MGRN1: variants seen among roughly 807,000 people sequenced by gnomAD.
The protein encoded by MGRN1 is E3 ubiquitin-protein ligase MGRN1.
In MGRN1, 29 loss-of-function variants were observed where a neutral mutation model predicts 69.2. The observed-to-expected ratio is 0.42, with a 90% confidence interval of 0.31 to 0.57. MGRN1 has a LOEUF of 0.57. Ranked by LOEUF, MGRN1 falls within the 20% of genes least tolerant of loss-of-function variation. The pLI, the probability that MGRN1 is intolerant of heterozygous loss-of-function variation, is 0.15. For missense variants in MGRN1, 998 were observed against 796.2 expected (o/e 1.25, Z -3.05); for synonymous variants, 470 against 344.2 (o/e 1.37, Z -4.04).
At chr16:4,664,971 C>G in intron 6 of MGRN1, 131 bp from the exon 7 acceptor site, 1 of 1,216,930 alleles carries the variant, frequency 8.2e-7, no homozygotes, top group Non-Finnish European at 1.2e-6. Context: ...GGTCCCAGAA[C>G]AGGCTCAGGA....
intron 9 of MGRN1, among the ~76,000 whole-genome samples, chr16:4,673,220 A>AT (rs1021724238): frequency 7.3e-5 from 11 of 151,662 alleles, no homozygotes; most frequent in African/African-American, 2.7e-4. Flanking sequence ...TCTGTTCCTC[A>AT]TTTTTTCTTT....
intron 1 of MGRN1, among the ~76,000 whole-genome samples, chr16:4,632,286 TTACAGGC>T (rs139273391): frequency 0.14 from 21,436 of 152,054 alleles, 1,901 homozygotes; most frequent in Middle Eastern, 0.27. Flanking sequence ...AGAGCTGGTA[TTACAGGC>T]ATGAGCCACT....
chr16:4,637,853 AG>A (rs975968039), intron 1 of MGRN1, among the ~76,000 whole-genome samples: 4 of 152,206 alleles, frequency 2.6e-5, no homozygotes, highest in South Asian at 2.1e-4. Flanking sequence ...AGCCCTGTCT[AG>A]GGGGTGGGGG....
chr16:4,625,403 G>C (rs1419924912), intron 1 of MGRN1, among the ~76,000 whole-genome samples: 4 of 152,234 alleles, frequency 2.6e-5, no homozygotes, highest in African/African-American at 9.6e-5. Context: ...CTTCTGCCTA[G>C]AAAACTCTCA....
chr16:4,646,169 G>A, intron 1 of MGRN1, among the ~76,000 whole-genome samples: 1 of 152,128 alleles, frequency 6.6e-6, no homozygotes, highest in Non-Finnish European at 1.5e-5. Context: ...GGTGGCTCAC[G>A]CCTGTAATCC....
intron 4 of MGRN1, among the ~76,000 whole-genome samples, chr16:4,654,428 A>T (rs1374502277): frequency 6.6e-6 from 1 of 152,250 alleles, no homozygotes; most frequent in African/African-American, 2.4e-5. Flanking sequence ...TGGCCCTGAA[A>T]GTTTGAAAAC....
chr16:4,641,213 CAAAGG>C (rs2078149147), intron 1 of MGRN1, among the ~76,000 whole-genome samples: 1 of 152,248 alleles, frequency 6.6e-6, no homozygotes, highest in African/African-American at 2.4e-5. Context: ...CTTCTTGAGG[CAAAGG>C]AAAGGGCGGC....
At position 4,683,237 on chromosome 16, in the gene MGRN1, A is replaced by C; in HGVS notation, c.1496A>C (p.Glu499Ala). The C allele has an allele frequency of 6.2e-7, 1 of 1,613,824 alleles. No individual in the cohort carries two copies. Among genetic ancestry groups the C allele is most frequent in the Non-Finnish European group, 8.5e-7 (1 of 1,179,984 alleles). ...ESSSPESFIT[E>A]EVDESSSPQQ... ...TTTGTTTCCTAGAGTTTCATAACAG[A>C]AGAGGTTGATGAGTCGTCGTCACCA... Residue 499 changes from glutamate (E) to alanine (A), a missense_variant, in exon 15 of 17, where the codon GAA (glutamate) becomes GCA (alanine). Physicochemically the swap from Glu to Ala is moderately radical, Grantham distance 107. Coordinates refer to ENST00000262370, the MANE Select transcript of MGRN1 (RefSeq NM_015246.4).
At chr16:4,666,315 A>C (rs1300153568) in intron 7 of MGRN1, among the ~76,000 whole-genome samples, 1 of 151,824 alleles carries the variant, frequency 6.6e-6, no homozygotes, top group African/African-American at 2.4e-5. Flanking sequence ...ATTTTTTTGT[A>C]GAGAAGAGGT....
At chr16:4,656,179 A>C (rs76029136) in intron 4 of MGRN1, among the ~76,000 whole-genome samples, 3,698 of 152,346 alleles carry the variant, frequency 0.024, 54 homozygotes, top group Non-Finnish European at 0.037. Flanking sequence ...ATCAGAAATG[A>C]AACTGCTTGA....
intron 4 of MGRN1, among the ~76,000 whole-genome samples, 179 bp downstream of exon 4, chr16:4,653,003 G>A (rs186473986): frequency 9.2e-5 from 14 of 152,052 alleles, no homozygotes; most frequent in African/African-American, 2.4e-4. Context: ...ACTTTTCTGC[G>A]GGAACCAGCT....
intron 11 of MGRN1, among the ~76,000 whole-genome samples, chr16:4,679,450 C>T (rs1021581454): frequency 1.3e-5 from 2 of 152,270 alleles, no homozygotes; most frequent in South Asian, 2.1e-4. Context: ...AGCAAACGCT[C>T]CTCCTCACCT....
rs772407632 is a variant in MGRN1, at chr16:4,682,926, C to G, written c.1462C>G (p.Arg488Gly). The change falls in exon 14 of 17, where the codon CGG becomes GGG. Residue 488 changes from arginine to glycine, a missense_variant. Physicochemically the swap from Arg to Gly is moderately radical, Grantham distance 125. Transcript: ENST00000262370. Reference sequence around the variant, plus strand: ...ACTGGGTGGCGCAGAGCTGGCCCTGCGGGAAAGCAGCTCCCCTGAGGTGAG... The same window carrying G: ...ACTGGGTGGCGCAGAGCTGGCCCTGGGGGAAAGCAGCTCCCCTGAGGTGAG... Reference protein sequence around the residue: ...PPLGGAELALRESSSPESFIT... With the variant: ...PPLGGAELALGESSSPESFIT... 3 of 1,595,464 alleles carry G rather than the reference C, an allele frequency of 1.9e-6. No homozygotes were observed. The highest frequency in any genetic ancestry group is 1.7e-6 in the Non-Finnish European group (2 of 1,168,606).
chr16:4,677,765 A>G (rs936055583), intron 11 of MGRN1, among the ~76,000 whole-genome samples, 193 bp downstream of exon 11: 2 of 147,072 alleles, frequency 1.4e-5, no homozygotes, highest in Admixed American at 7.0e-5. Flanking sequence ...TGCTGGGAAC[A>G]GCGCTGCTGC....
At chr16:4,650,272 CAGCCTGGGTGGAGCGCCACTGCACTCT>C (rs1434440615) in intron 1 of MGRN1, 66 bp from the exon 2 acceptor site, 1 of 983,938 alleles carries the variant, frequency 1.0e-6, no homozygotes, top group East Asian at 2.6e-5. Context: ...CACTGCACTC[CAGCCTGGGTGGAGCGCCACTGCACTCT>C]AGCCTGAGAC....
intron 16 of MGRN1, chr16:4,687,165 A>G (rs2079342242): frequency 1.0e-6 from 1 of 985,052 alleles, no homozygotes; most frequent in Non-Finnish European, 1.2e-6. Flanking sequence ...CTGGAACACC[A>G]GCACTAAAAG....
chr16:4,690,476 T>C lies in MGRN1; in HGVS notation c.*1568T>C, dbSNP rs1045520. On this transcript the variant is annotated 3_prime_UTR_variant, in exon 17 of 17. Coordinates refer to ENST00000262370, the MANE Select transcript of MGRN1 (RefSeq NM_015246.4). The stretch of plus-strand genomic sequence containing the variant: ...GGGCGAGACCCAGCAGTGGACAGCA[T>C]GGTCCTCACACCCAGCTCCCTGCAC... 0.57 allele frequency: 86,541 copies of C among 152,366 alleles called. 24,928 individuals are homozygous for C. The highest frequency in any genetic ancestry group is 0.65 in the East Asian group (3,352 of 5,148). The allele number at this position is 152,366 out of a possible 1,614,324, so 9.4% of individuals were successfully genotyped here. A position where few individuals can be genotyped will look rare whatever the true frequency, so the allele number is the denominator to read the frequency against.
At chr16:4,648,085 GAA>G (rs1404850477) in intron 1 of MGRN1, among the ~76,000 whole-genome samples, 1 of 152,186 alleles carries the variant, frequency 6.6e-6, no homozygotes, top group African/African-American at 2.4e-5. Context: ...CCTCAGGTGG[GAA>G]TTCTGAGAAG....
intron 8 of MGRN1, 195 bp from the exon 9 acceptor site, chr16:4,671,196 G>T: frequency 1.6e-6 from 1 of 606,882 alleles, no homozygotes; most frequent in Admixed American, 2.9e-5. Context: ...CTCCAGCCCT[G>T]TTCCAGGTGC....
Sources: allele counts gnomAD v4.1 joint callset (sites outside exome capture counted in the v4.1 genomes callset), GRCh38; gene constraint gnomAD v4.1.1; transcripts MANE v1.5; gene names NCBI Gene and HGNC (gene_info 2026-07-23, HGNC 2026-07-21).